NFAM1: variants seen among roughly 807,000 people sequenced by gnomAD.
The protein encoded by NFAM1 is NFAT activation molecule 1.
In NFAM1, 17 loss-of-function variants were observed where a neutral mutation model predicts 29.0. The ratio of observed to expected loss-of-function variants is 0.59; its 90% CI spans 0.40 to 0.88. NFAM1 has a LOEUF of 0.88. Ranked by LOEUF, NFAM1 falls within the 40% of genes least tolerant of loss-of-function variation. NFAM1 has a pLI of 0.00. For synonymous variants in NFAM1, 175 were observed against 147.2 expected (o/e 1.19, Z -1.36); for missense variants, 324 against 344.6 (o/e 0.94, Z 0.47).
Position 42,387,025 on chromosome 22 carries a change from G to T in NFAM1, c.717C>A (p.Gly239=). The change falls in exon 5 of 6, where the codon GGC becomes GGA. Residue 239 remains glycine (G), a synonymous_variant. Coordinates refer to ENST00000329021, the MANE Select transcript of NFAM1 (RefSeq NM_145912.8). ...GGCTCTGCTTGGCGGTGGGTGAGCTGCCATCCTCATTCTCGATGCAGGCAT... is the reference window on the plus strand; with the variant it reads ...GGCTCTGCTTGGCGGTGGGTGAGCTTCCATCCTCATTCTCGATGCAGGCAT... ...EVYACIENED[G]SSPTAKQSPL... 6.3e-7 allele frequency: 1 copy of T among 1,584,164 alleles called. No homozygotes were observed. Among genetic ancestry groups the T allele is most frequent in the Non-Finnish European group, 8.6e-7 (1 of 1,165,764 alleles).
chr22:42,398,665 G>C (rs1386425216), intron 3 of NFAM1, among the ~76,000 whole-genome samples: 1 of 152,036 alleles, frequency 6.6e-6, no homozygotes, highest in Non-Finnish European at 1.5e-5. Flanking sequence ...CCACCGCCTT[G>C]GCGTCCCAAA....
chr22:42,436,507 G>A (rs951333482), upstream of NFAM1, among the ~76,000 whole-genome samples: 1 of 152,200 alleles, frequency 6.6e-6, no homozygotes, highest in South Asian at 2.1e-4. Flanking sequence ...GCCTCGCAGT[G>A]GCCCTGCAGC....
chr22:42,428,189 T>A lies in NFAM1; in HGVS notation c.121+4048A>T, dbSNP rs1930684575. On this transcript the variant is annotated intron_variant, in intron 1 of 5. Coordinates refer to ENST00000329021, the MANE Select transcript of NFAM1 (RefSeq NM_145912.8). Reference sequence around the variant, plus strand: ...CGTCAAGCTGAGCCTCTCCCGGCCCTCCTGGCCCTGCCTTTTGGGCTCTCA... The same window carrying A: ...CGTCAAGCTGAGCCTCTCCCGGCCCACCTGGCCCTGCCTTTTGGGCTCTCA... 3.9e-5 allele frequency among the ~76,000 whole-genome samples: 6 copies of A among 152,146 alleles called. No individual in the cohort carries two copies. In the South Asian group the frequency reaches 1.2e-3, roughly 32 times the overall value.
intron 3 of NFAM1, among the ~76,000 whole-genome samples, chr22:42,399,003 G>A (rs1929630367): frequency 1.3e-5 from 2 of 152,200 alleles, no homozygotes; most frequent in African/African-American, 4.8e-5. Context: ...CACATGAGGA[G>A]GAAACCAATG....
In NFAM1 at chr22:42,412,136, G is replaced by A. The variant is rs111282070; in HGVS notation, c.122-400C>T. On this transcript the variant is annotated intron_variant, in intron 1 of 5. Transcript: ENST00000329021. The stretch of plus-strand genomic sequence containing the variant: ...AATCCCAGCTACTCGGGAGACTGAC[G>A]CAGGAGAATCGCTTGAACCTGGGAG... 3.9e-3 allele frequency among the ~76,000 whole-genome samples: 589 copies of A among 152,180 alleles called. 1 individual carries two copies. The highest frequency in any genetic ancestry group is 6.9e-3 in the Non-Finnish European group (469 of 68,002).
chr22:42,387,068 C>T lies in NFAM1; in HGVS notation c.674G>A (p.Arg225His), dbSNP rs371355764. Residue 225 changes from arginine to histidine, a missense_variant, in exon 5 of 6, where the codon CGC becomes CAC. Transcript: ENST00000329021. ...GCAGGCATAGACCTCGGTCTCGCGG[C>T]GCTGCAGAGCCTACAGGAAACGGGG... ...PSESVYTALQ[R>H]RETEVYACIE... The T allele has an allele frequency of 3.4e-5, 54 of 1,580,386 alleles. No homozygotes were observed. The highest frequency in any genetic ancestry group is 1.4e-4 in the South Asian group (12 of 87,376).
chr22:42,391,532 T>A (rs921459127), intron 4 of NFAM1, among the ~76,000 whole-genome samples: 1 of 152,084 alleles, frequency 6.6e-6, no homozygotes, highest in Non-Finnish European at 1.5e-5. Flanking sequence ...ATAGATCAGA[T>A]ATGGGCAGTG....
At chr22:42,424,042 C>T (rs761977891) in intron 1 of NFAM1, among the ~76,000 whole-genome samples, 4 of 152,134 alleles carry the variant, frequency 2.6e-5, no homozygotes, top group African/African-American at 4.8e-5. Context: ...AGGCAGTGAT[C>T]TGCCTGACTC....
chr22:42,400,241 G>A (rs1324207308), intron 3 of NFAM1, among the ~76,000 whole-genome samples: 1 of 152,220 alleles, frequency 6.6e-6, no homozygotes, highest in Non-Finnish European at 1.5e-5. Context: ...GCACTTGACA[G>A]TTTACGAAGT....
chr22:42,418,087 T>C (rs1205968172), intron 1 of NFAM1, among the ~76,000 whole-genome samples: 1 of 152,138 alleles, frequency 6.6e-6, no homozygotes, highest in Admixed American at 6.5e-5. Context: ...CCTCCCACAC[T>C]GTGAGGAAGC....
At chr22:42,408,870 A>C (rs1929984477) in intron 3 of NFAM1, among the ~76,000 whole-genome samples, 1 of 152,180 alleles carries the variant, frequency 6.6e-6, no homozygotes, top group Non-Finnish European at 1.5e-5. Context: ...CAGTACACTT[A>C]CTATGCGACC....
rs1930632860 is a variant in NFAM1 at position 42,426,670 on chromosome 22, A to G, written c.121+5567T>C. ...GGGACAGTGAATCACCCCTGCCTAC[A>G]GGGGGACTGGGGAGGCCATGGTGAG... On this transcript the variant is annotated intron_variant, in intron 1 of 5. Coordinates refer to ENST00000329021, the MANE Select transcript of NFAM1 (RefSeq NM_145912.8). Among the ~76,000 whole-genome samples, 3 of 152,246 alleles carry G rather than the reference A, an allele frequency of 2.0e-5. No individual in the cohort carries two copies. The South Asian group carries it at 6.2e-4, about 32-fold the overall frequency.
At chr22:42,387,233 A>G (rs986102338) in intron 4 of NFAM1, among the ~76,000 whole-genome samples, 155 bp from the exon 5 acceptor site, 1 of 151,830 alleles carries the variant, frequency 6.6e-6, no homozygotes, top group African/African-American at 2.4e-5. Context: ...CCCCTTTCCC[A>G]GAGTCACCTT....
Position 42,388,658 on chromosome 22 carries a change from AGGGAGGGAG to A in NFAM1, c.664-1589_664-1581del, listed in dbSNP as rs1374932028. ...GGAGGGCGGGAGGCGGGAGGGAAGGAGGGAGGGAGGCAGGCGCCAAGAGGCAGCTGGGCA... is the reference window on the plus strand; with the variant it reads ...GGAGGGCGGGAGGCGGGAGGGAAGGAGCAGGCGCCAAGAGGCAGCTGGGCA... On this transcript the variant is annotated intron_variant, in intron 4 of 5. Transcript: ENST00000329021. This position sits in a 1 kb window ranked among gnomAD's most constrained non-coding sequence, Gnocchi z 4.1. Among the ~76,000 whole-genome samples the A allele has an allele frequency of 6.8e-6, 1 of 146,400 alleles. No individual in the cohort carries two copies. The highest frequency in any genetic ancestry group is 1.5e-5 in the Non-Finnish European group (1 of 66,446).
intron 1 of NFAM1, among the ~76,000 whole-genome samples, chr22:42,418,763 G>A (rs185134192): frequency 1.6e-3 from 250 of 152,172 alleles, no homozygotes; most frequent in Non-Finnish European, 2.8e-3. Context: ...CTCAGTGCAG[G>A]GCACATAGGC....
chr22:42,434,184 G>A (rs1194033301), upstream of NFAM1, among the ~76,000 whole-genome samples: 2 of 152,164 alleles, frequency 1.3e-5, no homozygotes, highest in African/African-American at 2.4e-5. Context: ...TGGTTTCCAC[G>A]CTTGCCTGCC....
chr22:42,402,071 G>C (rs1929742420), intron 3 of NFAM1, among the ~76,000 whole-genome samples: 2 of 152,248 alleles, frequency 1.3e-5, no homozygotes, highest in Non-Finnish European at 1.5e-5. Flanking sequence ...ACAGACGCCA[G>C]GTTGTGACAG....
intron 1 of NFAM1, among the ~76,000 whole-genome samples, chr22:42,418,230 C>T (rs1474055631): frequency 6.6e-6 from 1 of 152,248 alleles, no homozygotes; most frequent in African/African-American, 2.4e-5. Context: ...GCTGGCTTTA[C>T]TTCTCTGACC....
intron 4 of NFAM1, among the ~76,000 whole-genome samples, chr22:42,395,930 A>C (rs922297794): frequency 6.7e-6 from 1 of 149,074 alleles, no homozygotes; most frequent in African/African-American, 2.5e-5. Flanking sequence ...GAAAGTGAAA[A>C]TGGGGACAAA....
Sources: allele counts gnomAD v4.1 joint callset (sites outside exome capture counted in the v4.1 genomes callset), GRCh38; gene constraint gnomAD v4.1.1; non-coding constraint Gnocchi (gnomAD v3.1); transcripts MANE v1.5; gene names NCBI Gene and HGNC (gene_info 2026-07-23, HGNC 2026-07-21).